The following TMBIM1 variants were observed in gnomAD, a reference collection of about 807,000 sequenced individuals.
TMBIM1 encodes transmembrane BAX inhibitor motif containing 1.
In TMBIM1, 34 loss-of-function variants were observed where a neutral mutation model predicts 45.1. The ratio of observed to expected loss-of-function variants is 0.75; its 90% CI spans 0.57 to 1.00. The LOEUF is 1.00. TMBIM1 is among the 50% of genes least tolerant of loss of function. TMBIM1 has a pLI of 0.00. For synonymous variants in TMBIM1, 157 were observed against 153.5 expected (o/e 1.02, Z -0.17); for missense variants, 374 against 402.4 (o/e 0.93, Z 0.60).
At chr2:218,281,342 G>A (rs1455526143) in intron 2 of TMBIM1, among the ~76,000 whole-genome samples, 1 of 151,926 alleles carries the variant, frequency 6.6e-6, no homozygotes. Context: ...TTGCCATGTT[G>A]GCCAGGCTGG....
chr2:218,290,037 C>T (rs1692830300), intron 1 of TMBIM1: 1 of 152,156 alleles, frequency 6.6e-6, no homozygotes, highest in East Asian at 1.9e-4. Flanking sequence ...CCTAAATCAG[C>T]CCACGTGGGG....
chr2:218,278,579 G>A lies in TMBIM1; in HGVS notation c.423-14C>T. On this transcript the variant is annotated splice_polypyrimidine_tract_variant and intron_variant, in intron 5 of 11. Coordinates refer to ENST00000258412, the MANE Select transcript of TMBIM1 (RefSeq NM_022152.6). ...ACGAAGACAGCACTAGGGACAAAGA[G>A]ATGGGGAAGCAGTTCAGGCCCAAAT... 6.2e-7 allele frequency: 1 copy of A among 1,614,160 alleles called. No homozygotes were observed. The highest frequency in any genetic ancestry group is 1.1e-5 in the South Asian group (1 of 91,088).
intron 7 of TMBIM1, 51 bp downstream of exon 7, chr2:218,277,884 C>T: frequency 6.2e-7 from 1 of 1,610,608 alleles, no homozygotes; most frequent in East Asian, 2.2e-5. Context: ...TCCCTGGGAG[C>T]AGTCTCCCTC....
rs777805791 is a variant in TMBIM1 at position 218,279,021 on chromosome 2, G to A, written c.422+17C>T. 1.9e-6 allele frequency: 3 copies of A among 1,613,944 alleles called. No homozygotes were observed. Among genetic ancestry groups the A allele is most frequent in the South Asian group, 1.1e-5 (1 of 91,062 alleles). Reference sequence around the variant, plus strand: ...ACCCCTGCCTCCCTGCCCAACCACAGAGGAGCACACACTCACTAGGACACG... The same window carrying A: ...ACCCCTGCCTCCCTGCCCAACCACAAAGGAGCACACACTCACTAGGACACG... On this transcript the variant is annotated intron_variant, in intron 5 of 11. Coordinates refer to ENST00000258412, the MANE Select transcript of TMBIM1 (RefSeq NM_022152.6).
chr2:218,281,821 A>C (rs1692033070), intron 2 of TMBIM1, 119 bp downstream of exon 2: 2 of 869,588 alleles, frequency 2.3e-6, no homozygotes, highest in Admixed American at 5.0e-5. Context: ...ATCTCAACAG[A>C]GAAGATGAGA....
At chr2:218,288,891 C>G (rs1003079723) in intron 1 of TMBIM1, among the ~76,000 whole-genome samples, 17 of 152,306 alleles carry the variant, frequency 1.1e-4, no homozygotes, top group African/African-American at 4.1e-4. Flanking sequence ...TAAGGCACAT[C>G]TGATCCTTGC....
chr2:218,278,202 CAACTCTTA>C, intron 6 of TMBIM1: 2 of 613,138 alleles, frequency 3.3e-6, no homozygotes, highest in Non-Finnish European at 5.7e-6. Context: ...GATTGGTTTG[CAACTCTTA>C]AACTGACTGC....
chr2:218,283,646 G>A (rs6729058), intron 1 of TMBIM1, among the ~76,000 whole-genome samples: 53,532 of 152,098 alleles, frequency 0.35, 9,866 homozygotes, highest in Middle Eastern at 0.5. Context: ...AGAGACCAGC[G>A]TCTCTTTTTA....
intron 1 of TMBIM1, among the ~76,000 whole-genome samples, chr2:218,283,685 T>C (rs751894684): frequency 3.3e-5 from 5 of 152,096 alleles, no homozygotes; most frequent in Non-Finnish European, 7.4e-5. Flanking sequence ...GGGGATCAAA[T>C]AAAGGACTGT....
rs1442501986 is a variant in TMBIM1 at position 218,280,082 on chromosome 2, T to G, written c.247A>C (p.Ser83Arg). The G allele has an allele frequency of 6.2e-7, 1 of 1,614,126 alleles. No individual in the cohort carries two copies. The highest frequency in any genetic ancestry group is 8.5e-7 in the Non-Finnish European group (1 of 1,179,976). Residue 83 changes from serine to arginine, a missense_variant, in exon 3 of 12, where the codon AGC becomes CGC. By Grantham distance (110) the Ser-to-Arg change is moderately radical. Coordinates refer to ENST00000258412, the MANE Select transcript of TMBIM1 (RefSeq NM_022152.6). ...YDGEERAVSD[S>R]FGPGEWDDRK... ...TCATCCCACTCTCCAGGCCCGAAGC[T>G]ATCACTCACTGCTCTCTCCTCCCCA...
In TMBIM1 at chr2:218,280,126, C is replaced by T; in HGVS notation, c.203G>A (p.Gly68Asp). 1 of 1,612,626 alleles carries T rather than the reference C, an allele frequency of 6.2e-7. No homozygotes were observed. Among genetic ancestry groups the T allele is most frequent in the South Asian group, 1.1e-5 (1 of 91,042 alleles). The change falls in exon 3 of 12, where the codon GGC becomes GAC. Residue 68 changes from glycine (G) to aspartate (D), a missense_variant and splice_region_variant. By Grantham distance (94) the Gly-to-Asp change is moderately conservative. Transcript: ENST00000258412. ...CTCCCCATCATAGCCATGGCCTGGG[C>T]CTAGGGACAGATGACACTTGACTCA... is the stretch of plus-strand genomic sequence containing the variant. ...PPTHPMPMNY[G>D]PGHGYDGEER...
rs778650493 is a variant in TMBIM1 at position 218,281,970 on chromosome 2, G to A, written c.172C>T (p.Pro58Ser). 2.5e-6 allele frequency: 4 copies of A among 1,603,248 alleles called. No individual in the cohort carries two copies. The highest frequency in any genetic ancestry group is 2.7e-5 in the African/African-American group (2 of 74,736). ...GHPAGYPQPM[P>S]PTHPMPMNYG... ...TTCATGGGCATCGGGTGGGTGGGGG[G>A]CATGGGCTGTGGGTAGCCAGCAGGG... The change falls in exon 2 of 12, where the codon CCC (proline) becomes TCC (serine). Residue 58 changes from proline to serine, a missense_variant. Coordinates refer to ENST00000258412, the MANE Select transcript of TMBIM1 (RefSeq NM_022152.6).
Position 218,276,023 on chromosome 2 carries a change from T to TA in TMBIM1, c.789+2dup, listed in dbSNP as rs758382855. 4.3e-6 allele frequency: 7 copies of TA among 1,611,388 alleles called. No individual in the cohort carries two copies. In the Admixed American group the frequency reaches 8.4e-5, roughly 19 times the overall value. The stretch of plus-strand genomic sequence containing the variant: ...CCCTTCCTAGAGTGGGGCTGGGACT[T>TA]ACCAGGGTGAAACAAATGGCCCCCA... On this transcript the variant is annotated splice_region_variant and intron_variant, in intron 11 of 11. Transcript: ENST00000258412.
chr2:218,283,400 T>TC (rs1417743724), intron 1 of TMBIM1, among the ~76,000 whole-genome samples: 1 of 152,188 alleles, frequency 6.6e-6, no homozygotes, highest in Non-Finnish European at 1.5e-5. Flanking sequence ...CCAGTTACTG[T>TC]CCTCTGGGCC....
At chr2:218,277,600 T>A (rs1238094346) in intron 8 of TMBIM1, 33 bp downstream of exon 8, 1 of 1,614,096 alleles carries the variant, frequency 6.2e-7, no homozygotes, top group South Asian at 1.1e-5. Flanking sequence ...CAATACACAT[T>A]TCCCAAGAGT....
intron 3 of TMBIM1, 29 bp downstream of exon 3, chr2:218,279,997 G>A: frequency 1.3e-6 from 2 of 1,598,520 alleles, no homozygotes; most frequent in Non-Finnish European, 1.7e-6. Context: ...GGGGCCCCAG[G>A]TACACCCACC....
At position 218,275,258 on chromosome 2, in the gene TMBIM1, C is replaced by A; in HGVS notation, c.*217G>T. ...ATCTTCAGCCTAGTCCCTGCCAAGC[C>A]CACCAAGAGCAACAGTTAGTCCCTA... On this transcript the variant is annotated 3_prime_UTR_variant, in exon 12 of 12. Transcript: ENST00000258412. 1 of 499,172 alleles carries A rather than the reference C, an allele frequency of 2.0e-6. No homozygotes were observed. Among genetic ancestry groups the A allele is most frequent in the East Asian group, 3.5e-5 (1 of 28,330 alleles). 30.9% of individuals were successfully genotyped at this position (499,172 alleles called of 1,614,324 possible). A position where few individuals can be genotyped will look rare whatever the true frequency, so the allele number is the denominator to read the frequency against.
Position 218,279,370 on chromosome 2 carries a change from G to C in TMBIM1, c.304-17C>G, listed in dbSNP as rs574301262. 2 of 1,541,712 alleles carry C rather than the reference G, an allele frequency of 1.3e-6. No homozygotes were observed. Among genetic ancestry groups the C allele is most frequent in the South Asian group, 1.3e-5 (1 of 78,868 alleles). Reference sequence around the variant, plus strand: ...GGAGTAAACCTGGACACAGACGGCCGGGCATGGGTCACCATCCGGCACCCC... The same window carrying C: ...GGAGTAAACCTGGACACAGACGGCCCGGCATGGGTCACCATCCGGCACCCC... On this transcript the variant is annotated splice_polypyrimidine_tract_variant and intron_variant, in intron 3 of 11. Coordinates refer to ENST00000258412, the MANE Select transcript of TMBIM1 (RefSeq NM_022152.6).
At chr2:218,285,295 A>T (rs1329120952) in intron 1 of TMBIM1, among the ~76,000 whole-genome samples, 4 of 152,216 alleles carry the variant, frequency 2.6e-5, no homozygotes, top group Non-Finnish European at 5.9e-5. Flanking sequence ...CTAGAGTGTG[A>T]TGAAGTCAAA....
Sources: allele counts gnomAD v4.1 joint callset (sites outside exome capture counted in the v4.1 genomes callset), GRCh38; gene constraint gnomAD v4.1.1; transcripts MANE v1.5; gene names NCBI Gene and HGNC (gene_info 2026-07-23, HGNC 2026-07-21).